The following HMGCLL1 variants were observed in gnomAD, a reference collection of about 807,000 sequenced individuals.
HMGCLL1 encodes the protein 3-hydroxy-3-methylglutaryl-CoA lyase like 1.
In HMGCLL1, 36 loss-of-function variants were observed where a neutral mutation model predicts 39.1. The ratio of observed to expected loss-of-function variants is 0.92; its 90% CI spans 0.71 to 1.22. The LOEUF (loss-of-function observed/expected upper bound fraction) is 1.22, where lower values mean the gene tolerates loss of function less well. Ranked by LOEUF, HMGCLL1 falls within the 50% of genes most tolerant of loss-of-function variation. The probability of loss-of-function intolerance (pLI) is 0.00; values close to 1 mark genes in which losing one functional copy is unlikely to be tolerated. For missense variants in HMGCLL1, 451 were observed against 416.5 expected (o/e 1.08, Z -0.72); for synonymous variants, 149 against 144.0 (o/e 1.03, Z -0.25).
intron 8 of HMGCLL1, among the ~76,000 whole-genome samples, chr6:55,437,931 A>G (rs1009720901): frequency 2.6e-5 from 4 of 152,076 alleles, no homozygotes; most frequent in Admixed American, 1.3e-4. Context: ...TGGAATCCAT[A>G]GTGAGATTAA....
chr6:55,555,997 G>A (rs1052550571), intron 1 of HMGCLL1, among the ~76,000 whole-genome samples: 3 of 152,008 alleles, frequency 2.0e-5, no homozygotes, highest in Admixed American at 2.0e-4. Context: ...TGACCCTGAA[G>A]GCCAGTATGC....
chr6:55,647,286 T>C, the HMGCLL1 span, among the ~76,000 whole-genome samples: 2 of 152,006 alleles, frequency 1.3e-5, no homozygotes, highest in Admixed American at 6.6e-5. Context: ...TCTATCTGTA[T>C]CTCTATAGGT....
the HMGCLL1 span, among the ~76,000 whole-genome samples, chr6:55,606,805 C>A: frequency 6.6e-6 from 1 of 152,012 alleles, no homozygotes; most frequent in Non-Finnish European, 1.5e-5. Flanking sequence ...GGCGATTATC[C>A]TGGATTCCCA....
chr6:55,444,361 T>C (rs1418584299), intron 7 of HMGCLL1, among the ~76,000 whole-genome samples: 1 of 152,070 alleles, frequency 6.6e-6, no homozygotes, highest in Non-Finnish European at 1.5e-5. Flanking sequence ...ACGTATATTG[T>C]ATCTTGGTTT....
intron 7 of HMGCLL1, among the ~76,000 whole-genome samples, chr6:55,459,744 G>A (rs1399702246): frequency 6.6e-6 from 1 of 152,002 alleles, no homozygotes; most frequent in African/African-American, 2.4e-5. Flanking sequence ...ACTAGAATAA[G>A]TTTTATATAA....
intron 3 of HMGCLL1, among the ~76,000 whole-genome samples, chr6:55,522,837 TGTAGCTCTGCTGAAGA>T (rs1002462673): frequency 3.9e-5 from 6 of 152,028 alleles, no homozygotes; most frequent in African/African-American, 1.4e-4. Flanking sequence ...AGTGTGTTTT[TGTAGCTCTGCTGAAGA>T]TGAGAAAATT....
the HMGCLL1 span, among the ~76,000 whole-genome samples, chr6:55,618,544 C>T: frequency 6.6e-6 from 1 of 151,844 alleles, no homozygotes; most frequent in African/African-American, 2.4e-5. Context: ...AAGTTAGGAA[C>T]ATGAATTTCC....
the HMGCLL1 span, among the ~76,000 whole-genome samples, chr6:55,614,473 G>A: frequency 2.0e-5 from 3 of 152,086 alleles, no homozygotes; most frequent in Non-Finnish European, 4.4e-5. Context: ...AATGTCTATT[G>A]TTTAAGTCAC....
intron 3 of HMGCLL1, among the ~76,000 whole-genome samples, chr6:55,533,966 A>T (rs1030202867): frequency 2.0e-5 from 3 of 151,980 alleles, no homozygotes; most frequent in African/African-American, 7.2e-5. Context: ...AGGTCTGGAC[A>T]TAAAAAACAG....
chr6:55,642,565 G>A, the HMGCLL1 span, among the ~76,000 whole-genome samples: 1 of 152,066 alleles, frequency 6.6e-6, no homozygotes, highest in South Asian at 2.1e-4. Context: ...AAATTGGTTA[G>A]TCATCCCCCT....
At chr6:55,539,075 CA>C (rs1234149491) in intron 3 of HMGCLL1, among the ~76,000 whole-genome samples, 1 of 152,030 alleles carries the variant, frequency 6.6e-6, no homozygotes, top group Non-Finnish European at 1.5e-5. Context: ...TACACATAAG[CA>C]AGTACAGGTA....
intron 3 of HMGCLL1, among the ~76,000 whole-genome samples, chr6:55,519,973 T>A (rs9464257): frequency 0.016 from 2,387 of 151,856 alleles, 58 homozygotes; most frequent in African/African-American, 0.052. Flanking sequence ...ATAATTTTTT[T>A]AAATAGATGT....
intron 1 of HMGCLL1, among the ~76,000 whole-genome samples, chr6:55,570,312 T>C (rs1157795511): frequency 6.6e-6 from 1 of 152,176 alleles, no homozygotes; most frequent in African/African-American, 2.4e-5. Flanking sequence ...TCCTATTATC[T>C]ACTGGCCTTA....
the HMGCLL1 span, among the ~76,000 whole-genome samples, chr6:55,675,956 A>G: frequency 6.6e-6 from 1 of 152,180 alleles, no homozygotes; most frequent in Non-Finnish European, 1.5e-5. Context: ...TCCCATTTAC[A>G]TATCAAAGCT....
At chr6:55,512,561 T>A (rs563856707) in intron 5 of HMGCLL1, 1 of 152,274 alleles carries the variant, frequency 6.6e-6, no homozygotes, top group South Asian at 2.1e-4. Context: ...AATTTCAAAT[T>A]TTAGAAACTC....
the HMGCLL1 span, among the ~76,000 whole-genome samples, chr6:55,604,147 C>A: frequency 6.6e-6 from 1 of 152,132 alleles, no homozygotes; most frequent in African/African-American, 2.4e-5. Context: ...AGGGAGTTGG[C>A]CCAGTTGCTG....
At chr6:55,633,163 C>T in the HMGCLL1 span, among the ~76,000 whole-genome samples, 95 of 152,164 alleles carry the variant, frequency 6.2e-4, no homozygotes, top group Non-Finnish European at 8.4e-4. Flanking sequence ...AGCCTCAAGG[C>T]ATATGTCATT....
intron 7 of HMGCLL1, among the ~76,000 whole-genome samples, chr6:55,473,247 T>G (rs764579494): frequency 2.0e-5 from 3 of 151,450 alleles, no homozygotes; most frequent in African/African-American, 7.3e-5. Context: ...GAAATGATTG[T>G]AGTTGGATTA....
the HMGCLL1 span, among the ~76,000 whole-genome samples, chr6:55,632,468 T>C: frequency 1.4e-4 from 21 of 151,086 alleles, no homozygotes; most frequent in Non-Finnish European, 2.2e-4. Context: ...ATATATATAA[T>C]TCATGATTGG....
Sources: allele counts gnomAD v4.1 joint callset (sites outside exome capture counted in the v4.1 genomes callset), GRCh38; gene constraint gnomAD v4.1.1; transcripts MANE v1.5; gene names NCBI Gene and HGNC (gene_info 2026-07-23, HGNC 2026-07-21).